The following DYSF variants were observed in gnomAD, a reference collection of about 807,000 sequenced individuals.
DYSF encodes the protein dysferlin, also known as dystrophy-associated fer-1-like 1.
In DYSF, 212 loss-of-function variants were observed where a neutral mutation model predicts 274.9. The observed-to-expected ratio is 0.77, with a 90% CI of 0.69 to 0.86. The LOEUF (loss-of-function observed/expected upper bound fraction) is 0.86. Ranked by LOEUF, DYSF falls within the 40% of genes least tolerant of loss-of-function variation. The probability of loss-of-function intolerance (pLI) is 0.00; values close to 1 mark genes in which losing one functional copy is unlikely to be tolerated. For synonymous variants in DYSF, 1,091 were observed against 1,078.7 expected (o/e 1.01, Z -0.22); for missense variants, 2,666 against 2,783.2 (o/e 0.96, Z 0.95).
chr2:71,556,429 C>T (rs957952615), intron 22 of DYSF, among the ~76,000 whole-genome samples: 3 of 152,046 alleles, frequency 2.0e-5, no homozygotes, highest in Non-Finnish European at 2.9e-5. Context: ...AAGGCCATGT[C>T]GGGGATCATG....
chr2:71,493,478 T>C (rs549403323), intron 3 of DYSF, among the ~76,000 whole-genome samples: 5 of 152,292 alleles, frequency 3.3e-5, no homozygotes, highest in African/African-American at 9.6e-5. Flanking sequence ...AGAAAAAAGA[T>C]ATTTGTGAGG....
intron 41 of DYSF, among the ~76,000 whole-genome samples, chr2:71,640,037 C>T (rs80212893): frequency 6.6e-6 from 1 of 152,322 alleles, no homozygotes; most frequent in African/African-American, 2.4e-5. Context: ...TTTTCCATTA[C>T]AGATAATTGA....
intron 3 of DYSF, among the ~76,000 whole-genome samples, chr2:71,484,954 G>C (rs540084577): frequency 1.3e-5 from 2 of 152,290 alleles, no homozygotes; most frequent in Non-Finnish European, 2.9e-5. Flanking sequence ...CCTGGGGGCA[G>C]CTAGCTCCCT....
At chr2:71,530,620 G>A (rs1181131501) in intron 14 of DYSF, among the ~76,000 whole-genome samples, 2 of 152,158 alleles carry the variant, frequency 1.3e-5, no homozygotes, top group Non-Finnish European at 2.9e-5. Flanking sequence ...GGTGGAGGGA[G>A]TTGAAGAATG....
intron 55 of DYSF, among the ~76,000 whole-genome samples, chr2:71,685,228 T>G (rs1268833981): frequency 6.6e-6 from 1 of 152,218 alleles, no homozygotes; most frequent in Non-Finnish European, 1.5e-5. Context: ...AGCTCCTCCC[T>G]GTCTCCTGTC....
At chr2:71,591,790 G>T (rs1290844049) in intron 32 of DYSF, among the ~76,000 whole-genome samples, 1 of 152,226 alleles carries the variant, frequency 6.6e-6, no homozygotes, top group African/African-American at 2.4e-5. Flanking sequence ...GCGATGTGGG[G>T]TCCAGTCTGT....
At chr2:71,529,262 C>G (rs904138296) in intron 14 of DYSF, among the ~76,000 whole-genome samples, 10 of 152,202 alleles carry the variant, frequency 6.6e-5, no homozygotes, top group African/African-American at 2.4e-4. Context: ...TGACTTTAAA[C>G]TTGTCCCCAG....
chr2:71,642,387 G>A (rs934124714), intron 41 of DYSF, among the ~76,000 whole-genome samples: 1 of 152,188 alleles, frequency 6.6e-6, no homozygotes, highest in Non-Finnish European at 1.5e-5. Context: ...GTTCTTCTGC[G>A]TGTGGGTCAT....
At chr2:71,684,123 T>C (rs568639228) in intron 55 of DYSF, among the ~76,000 whole-genome samples, 3 of 152,312 alleles carry the variant, frequency 2.0e-5, no homozygotes, top group Admixed American at 6.5e-5. Flanking sequence ...CTGAGGTTTG[T>C]CCATCAGCAA....
intron 1 of DYSF, among the ~76,000 whole-genome samples, chr2:71,472,673 T>C (rs1423840907): frequency 6.6e-6 from 1 of 152,248 alleles, no homozygotes; most frequent in African/African-American, 2.4e-5. Flanking sequence ...CCCAAAGTGC[T>C]GGGATTACAG....
intron 41 of DYSF, among the ~76,000 whole-genome samples, chr2:71,624,150 ATG>A (rs1184951971): frequency 1.1e-4 from 17 of 152,136 alleles, no homozygotes; most frequent in Admixed American, 1.1e-3. Flanking sequence ...TTCAAATTCT[ATG>A]TGTTTTTAAA....
At chr2:71,593,164 C>G (rs888812051) in intron 32 of DYSF, among the ~76,000 whole-genome samples, 4 of 128,618 alleles carry the variant, frequency 3.1e-5, no homozygotes, top group Non-Finnish European at 6.3e-5. Context: ...CAGAGTTTCG[C>G]TCTTGTTGCC....
chr2:71,539,583 C>G (rs1197672077), intron 17 of DYSF, among the ~76,000 whole-genome samples: 2 of 151,364 alleles, frequency 1.3e-5, no homozygotes, highest in African/African-American at 4.9e-5. Flanking sequence ...TCTTACTGTT[C>G]TATTAAAAAA....
intron 14 of DYSF, among the ~76,000 whole-genome samples, chr2:71,529,749 C>T (rs936447712): frequency 2.0e-5 from 3 of 152,200 alleles, no homozygotes; most frequent in African/African-American, 7.2e-5. Flanking sequence ...ATCCATTGAC[C>T]TTCCTGTCTG....
At chr2:71,471,376 T>C (rs2082023182) in intron 1 of DYSF, among the ~76,000 whole-genome samples, 1 of 152,124 alleles carries the variant, frequency 6.6e-6, no homozygotes, top group Non-Finnish European at 1.5e-5. Flanking sequence ...TCTGGAGACA[T>C]TTTGGGTTGT....
chr2:71,524,857 C>T (rs1263405426), intron 12 of DYSF, among the ~76,000 whole-genome samples: 2 of 152,238 alleles, frequency 1.3e-5, no homozygotes, highest in African/African-American at 4.8e-5. Flanking sequence ...CTGTGCTCTC[C>T]AAGCACGTGG....
chr2:71,663,044 C>CATATTT (rs1373618587), intron 45 of DYSF, among the ~76,000 whole-genome samples: 2 of 35,278 alleles, frequency 5.7e-5, no homozygotes, highest in Non-Finnish European at 8.8e-5. Context: ...TGTGTGTGCG[C>CATATTT]GCACGCGCGT....
At chr2:71,598,391 T>C (rs1007101812) in intron 32 of DYSF, among the ~76,000 whole-genome samples, 173 bp from the exon 33 acceptor site, 2 of 152,166 alleles carry the variant, frequency 1.3e-5, no homozygotes, top group African/African-American at 2.4e-5. Context: ...GCTGGCCTCA[T>C]GGTGGGGCTA....
chr2:71,548,534 G>A (rs1262812426), intron 17 of DYSF, among the ~76,000 whole-genome samples: 1 of 151,620 alleles, frequency 6.6e-6, no homozygotes, highest in Non-Finnish European at 1.5e-5. Flanking sequence ...GACAGTGGAG[G>A]AAGACTGAGG....
Sources: gnomAD v4.1 joint callset for allele counts (sites outside exome capture counted in the v4.1 genomes callset) on GRCh38, gnomAD v4.1.1 for gene constraint, MANE v1.5 for transcripts, NCBI Gene and HGNC (gene_info 2026-07-23, HGNC 2026-07-21) for gene names.